The following CTIF variants were observed in gnomAD, a reference collection of about 807,000 sequenced individuals.
CTIF encodes the protein CBP80/20-dependent translation initiation factor.
Under a neutral mutation model 66.0 loss-of-function variants are expected in CTIF, and 21 were observed. That is an observed-to-expected ratio of 0.32 (90% CI 0.23 to 0.46). CTIF has a LOEUF of 0.46. Among genes scored for constraint, CTIF ranks in the 20% least tolerant of loss-of-function variants. The pLI is 1.00. For missense variants in CTIF, 739 were observed against 812.7 expected (o/e 0.91, Z 1.10); for synonymous variants, 345 against 326.4 (o/e 1.06, Z -0.62).
chr18:48,561,815 AC>A (rs760228456), intron 1 of CTIF, among the ~76,000 whole-genome samples: 3 of 151,972 alleles, frequency 2.0e-5, no homozygotes, highest in Admixed American at 6.6e-5. Flanking sequence ...TCAGATAATT[AC>A]CCCCACTCTA....
intron 9 of CTIF, among the ~76,000 whole-genome samples, chr18:48,781,481 C>T (rs1006487448): frequency 6.6e-6 from 1 of 152,166 alleles, no homozygotes; most frequent in Non-Finnish European, 1.5e-5. Context: ...GTGGAGGAAA[C>T]GGGCTGGAGA....
intron 6 of CTIF, chr18:48,688,208 A>G (rs1393775767): frequency 6.6e-6 from 1 of 152,298 alleles, no homozygotes; most frequent in Non-Finnish European, 1.5e-5. Flanking sequence ...CCTCTCAAGA[A>G]CACTAAGGCC....
chr18:48,607,759 C>A lies in CTIF; in HGVS notation c.-28-11779C>A, dbSNP rs550571273. ...TCCTTTCCTCCCTTGAGACACTGAG[C>A]AGGAGCACCCTGTCCCTAGGAGGAG... On this transcript the variant is annotated intron_variant, in intron 1 of 11. Coordinates refer to ENST00000256413, the MANE Select transcript of CTIF (RefSeq NM_014772.3). 4.7e-4 allele frequency among the ~76,000 whole-genome samples: 72 copies of A among 152,296 alleles called. 1 individual carries two copies. Among genetic ancestry groups the A allele is most frequent in the African/African-American group, 1.7e-3 (71 of 41,560 alleles).
chr18:48,656,430 C>T (rs1478807199), intron 3 of CTIF, among the ~76,000 whole-genome samples: 2 of 152,182 alleles, frequency 1.3e-5, no homozygotes, highest in African/African-American at 4.8e-5. Flanking sequence ...AACAGTGCCA[C>T]GCTTGGGCAG....
At chr18:48,687,397 C>T (rs1236250123) in intron 6 of CTIF, among the ~76,000 whole-genome samples, 3 of 150,768 alleles carry the variant, frequency 2.0e-5, no homozygotes, top group Non-Finnish European at 2.9e-5. Context: ...GAGTATAAGC[C>T]CCAGTCGTCT....
intron 2 of CTIF, among the ~76,000 whole-genome samples, chr18:48,629,421 T>C (rs9952710): frequency 0.026 from 3,890 of 152,324 alleles, 152 homozygotes; most frequent in African/African-American, 0.086. Flanking sequence ...ATATATCTTA[T>C]GATATATATA....
intron 7 of CTIF, among the ~76,000 whole-genome samples, chr18:48,726,296 T>C (rs900082950): frequency 6.6e-6 from 1 of 152,216 alleles, no homozygotes; most frequent in Non-Finnish European, 1.5e-5. Flanking sequence ...ACGTTTGTAT[T>C]GGGGTTATCT....
intron 6 of CTIF, among the ~76,000 whole-genome samples, chr18:48,706,109 A>G (rs902898016): frequency 6.6e-5 from 10 of 152,100 alleles, no homozygotes; most frequent in Non-Finnish European, 7.4e-5. Context: ...ACCTGAACAG[A>G]GAGGTCTTCC....
chr18:48,610,005 A>T (rs1450048748), intron 1 of CTIF, among the ~76,000 whole-genome samples: 1 of 152,066 alleles, frequency 6.6e-6, no homozygotes, highest in Non-Finnish European at 1.5e-5. Flanking sequence ...CAGTGGGCGG[A>T]AGAGCTGAGG....
rs766211570 is a variant in CTIF, at chr18:48,682,419, A to G, written c.507+11675A>G. On this transcript the variant is annotated intron_variant, in intron 6 of 11. Transcript: ENST00000256413. Reference sequence around the variant, plus strand: ...CTAGAACTGCAAAGTCTTGTGTTCTATCTTCACCCCAGTGAACCAGAAACT... The same window carrying G: ...CTAGAACTGCAAAGTCTTGTGTTCTGTCTTCACCCCAGTGAACCAGAAACT... Among the ~76,000 whole-genome samples, 8 of 152,198 alleles carry G rather than the reference A, an allele frequency of 5.3e-5. 1 individual carries two copies. Among genetic ancestry groups the G allele is most frequent in the Non-Finnish European group, 1.0e-4 (7 of 68,022 alleles).
At chr18:48,855,988 T>A (rs958375405) in intron 10 of CTIF, among the ~76,000 whole-genome samples, 2 of 151,662 alleles carry the variant, frequency 1.3e-5, no homozygotes, top group Non-Finnish European at 2.9e-5. Flanking sequence ...TCCCTGAGAG[T>A]CGTGATGATC....
intron 9 of CTIF, among the ~76,000 whole-genome samples, chr18:48,771,736 A>G (rs549526462): frequency 6.6e-6 from 1 of 151,804 alleles, no homozygotes; most frequent in Non-Finnish European, 1.5e-5. Flanking sequence ...CACCCCCAGC[A>G]CCTCCTCCTC....
chr18:48,593,144 A>C (rs1172872108), intron 1 of CTIF, among the ~76,000 whole-genome samples: 1 of 152,208 alleles, frequency 6.6e-6, no homozygotes. Context: ...GAGGAAGCTC[A>C]GGCGGAGATT....
chr18:48,554,853 C>A (rs1246594946), intron 1 of CTIF, among the ~76,000 whole-genome samples: 1 of 152,244 alleles, frequency 6.6e-6, no homozygotes, highest in East Asian at 1.9e-4. Flanking sequence ...AGCTTTGCAG[C>A]CCAGGCCATT....
At chr18:48,723,015 G>T (rs976341902) in intron 7 of CTIF, among the ~76,000 whole-genome samples, 5 of 152,204 alleles carry the variant, frequency 3.3e-5, no homozygotes, top group Admixed American at 1.3e-4. Context: ...TCTTCCCAAT[G>T]ACCTTAGGAA....
intron 6 of CTIF, among the ~76,000 whole-genome samples, chr18:48,679,263 C>G (rs1344293270): frequency 6.6e-6 from 1 of 152,170 alleles, no homozygotes; most frequent in Non-Finnish European, 1.5e-5. Flanking sequence ...GGGTCATATA[C>G]CTGTTCAACT....
intron 1 of CTIF, among the ~76,000 whole-genome samples, chr18:48,606,705 G>A (rs1598731287): frequency 6.6e-6 from 1 of 152,194 alleles, no homozygotes. Flanking sequence ...TTGAGGGAGT[G>A]GAGCTCTGGG....
chr18:48,835,448 GC>G, intron 10 of CTIF, among the ~76,000 whole-genome samples: 2 of 152,296 alleles, frequency 1.3e-5, no homozygotes, highest in Non-Finnish European at 2.9e-5. Context: ...TCCCTTGGTG[GC>G]CTTCAGGGTC....
chr18:48,595,129 C>T (rs567635365), intron 1 of CTIF, among the ~76,000 whole-genome samples: 33 of 152,204 alleles, frequency 2.2e-4, no homozygotes, highest in Non-Finnish European at 4.0e-4. Context: ...AATGGACCCC[C>T]GAGCCTGGCC....
Sources: gnomAD v4.1 joint callset for allele counts (sites outside exome capture counted in the v4.1 genomes callset) on GRCh38, gnomAD v4.1.1 for gene constraint, MANE v1.5 for transcripts, NCBI Gene and HGNC (gene_info 2026-07-23, HGNC 2026-07-21) for gene names.